Variants in SVIL observed in about 807,000 individuals in gnomAD.
SVIL encodes supervillin, also known as archvillin.
SVIL carries 101 observed loss-of-function variants against 240.4 expected under a neutral mutation model. The ratio of observed to expected loss-of-function variants is 0.42; its 90% CI spans 0.36 to 0.50. The LOEUF (loss-of-function observed/expected upper bound fraction) is 0.50. Among genes scored for constraint, SVIL ranks in the 20% least tolerant of loss-of-function variants. The pLI, the probability that SVIL is intolerant of heterozygous loss-of-function variation, is 0.01. For synonymous variants in SVIL, 999 were observed against 1,100.0 expected (o/e 0.91, Z 1.82); for missense variants, 2,512 against 2,818.7 (o/e 0.89, Z 2.46).
Position 29,524,716 on chromosome 10 carries a change from C to T in SVIL, c.2343-1G>A, listed in dbSNP as rs767389163. ...CTTTTGGTGAGCAGAGGCCTGCAATCTGAAAAAAATAAAATGTCAGCAACA... is the reference window on the plus strand; with the variant it reads ...CTTTTGGTGAGCAGAGGCCTGCAATTTGAAAAAAATAAAATGTCAGCAACA... On this transcript the variant is annotated splice_acceptor_variant, in intron 13 of 37. Coordinates refer to ENST00000355867, the MANE Select transcript of SVIL (RefSeq NM_021738.3). LOFTEE classifies it high-confidence loss of function. The T allele has an allele frequency of 1.9e-6, 3 of 1,612,224 alleles. No homozygotes were observed. The highest frequency in any genetic ancestry group is 2.5e-6 in the Non-Finnish European group (3 of 1,179,164).
chr10:29,587,580 C>T (rs1956221785), intron 1 of SVIL, among the ~76,000 whole-genome samples: 1 of 152,192 alleles, frequency 6.6e-6, no homozygotes, highest in South Asian at 2.1e-4. Flanking sequence ...GCCACAGGGT[C>T]CAGCTTACAG....
At chr10:29,629,861 T>C (rs1242815127) in intron 1 of SVIL, among the ~76,000 whole-genome samples, 1 of 148,050 alleles carries the variant, frequency 6.8e-6, no homozygotes, top group Non-Finnish European at 1.5e-5. Flanking sequence ...TTGCCTATAG[T>C]CCCAGCTACT....
chr10:29,473,949 G>T lies in SVIL; in HGVS notation c.5418C>A (p.Ala1806=). The change falls in exon 30 of 38, where the codon GCC becomes GCA. Residue 1806 remains alanine, a synonymous_variant. Coordinates refer to ENST00000355867, the MANE Select transcript of SVIL (RefSeq NM_021738.3). ...RQKGEHSVRA[A]GKEKCVYFFW... ...AGAAGTAGACGCACTTCTCTTTGCC[G>T]GCTGCCCTCACCGAGTGCTCTCCCT... 6.2e-7 allele frequency: 1 copy of T among 1,613,974 alleles called. No individual in the cohort carries two copies. Among genetic ancestry groups the T allele is most frequent in the South Asian group, 1.1e-5 (1 of 91,068 alleles).
At chr10:29,530,020 A>C (rs1166342138) in intron 11 of SVIL, among the ~76,000 whole-genome samples, 176 bp from the exon 12 acceptor site, 1 of 152,152 alleles carries the variant, frequency 6.6e-6, no homozygotes, top group Non-Finnish European at 1.5e-5. Context: ...CAAAAAATGC[A>C]TAAATTAGCC....
chr10:29,625,950 A>G (rs1178183287), intron 1 of SVIL, among the ~76,000 whole-genome samples: 1 of 152,112 alleles, frequency 6.6e-6, no homozygotes, highest in Admixed American at 6.5e-5. Context: ...ACAAATGCAA[A>G]TTGTATATAC....
chr10:29,564,001 C>G (rs1243065137), intron 2 of SVIL, among the ~76,000 whole-genome samples: 13 of 152,220 alleles, frequency 8.5e-5, no homozygotes, highest in Middle Eastern at 3.4e-3. Context: ...CTAAGAGGTA[C>G]GAACTACTCA....
At chr10:29,607,109 G>A (rs1183407530) in intron 1 of SVIL, among the ~76,000 whole-genome samples, 1 of 152,140 alleles carries the variant, frequency 6.6e-6, no homozygotes. Context: ...CTGGTGTGGG[G>A]CATGATTTAT....
intron 32 of SVIL, 100 bp from the exon 33 acceptor site, chr10:29,467,975 T>C (rs1945117120): frequency 2.3e-6 from 3 of 1,291,760 alleles, no homozygotes; most frequent in African/African-American, 1.5e-5. Context: ...AATAGCTTTA[T>C]TGAGATATAA....
At chr10:29,586,512 G>A (rs1180897359) in intron 1 of SVIL, among the ~76,000 whole-genome samples, 2 of 152,046 alleles carry the variant, frequency 1.3e-5, no homozygotes, top group East Asian at 1.9e-4. Context: ...GTGGAACGCA[G>A]GTCCCTTGGC....
chr10:29,457,600 T>C lies in SVIL; in HGVS notation c.*647A>G, dbSNP rs905846063. ...ATTAAGGTAGAAAGGTTGATTCGCA[T>C]AGATTCTCCAGAGTCCATGCCATTA... On this transcript the variant is annotated 3_prime_UTR_variant, in exon 38 of 38. Transcript: ENST00000355867. 3 of 152,656 alleles carry C rather than the reference T, an allele frequency of 2.0e-5. No individual in the cohort carries two copies. The highest frequency in any genetic ancestry group is 2.0e-4 in the Admixed American group (3 of 15,284). 9.5% of individuals were successfully genotyped at this position (152,656 alleles called of 1,614,324 possible).
intron 1 of SVIL, among the ~76,000 whole-genome samples, chr10:29,585,829 C>T (rs983056241): frequency 2.6e-5 from 4 of 152,226 alleles, no homozygotes; most frequent in South Asian, 2.1e-4. Flanking sequence ...GTCTGTCTTC[C>T]CGGCAGGTGT....
intron 1 of SVIL, among the ~76,000 whole-genome samples, chr10:29,709,051 C>A (rs779567283): frequency 6.6e-6 from 1 of 152,118 alleles, no homozygotes; most frequent in African/African-American, 2.4e-5. Flanking sequence ...AGAGAAGGAA[C>A]CGAAGAAGCC....
intron 1 of SVIL, among the ~76,000 whole-genome samples, chr10:29,689,912 G>A (rs1961373434): frequency 6.6e-6 from 1 of 152,158 alleles, no homozygotes; most frequent in African/African-American, 2.4e-5. Flanking sequence ...TGGCATTAGA[G>A]AATTTCCCCA....
chr10:29,588,687 C>T (rs1404500624), intron 1 of SVIL, among the ~76,000 whole-genome samples: 3 of 152,194 alleles, frequency 2.0e-5, no homozygotes. Flanking sequence ...GAAAGTGAAG[C>T]TTAGGAACCG....
chr10:29,555,928 A>T (rs1429734449), intron 3 of SVIL, among the ~76,000 whole-genome samples: 10 of 152,210 alleles, frequency 6.6e-5, no homozygotes, highest in Non-Finnish European at 1.5e-4. Flanking sequence ...TCAATTAGCT[A>T]CAGTTTAGAT....
intron 1 of SVIL, among the ~76,000 whole-genome samples, chr10:29,726,602 C>A (rs186020460): frequency 1.3e-5 from 2 of 152,160 alleles, no homozygotes; most frequent in Non-Finnish European, 2.9e-5. Context: ...CAAAAATTAG[C>A]CAGCTGTGGT....
At chr10:29,482,216 T>C (rs1430534894) in intron 27 of SVIL, among the ~76,000 whole-genome samples, 2 of 152,038 alleles carry the variant, frequency 1.3e-5, no homozygotes, top group Non-Finnish European at 2.9e-5. Context: ...TTTTTAAATA[T>C]GAGACAGGGG....
chr10:29,644,383 T>A (rs911422529), intron 3 of SVIL, among the ~76,000 whole-genome samples: 1 of 152,166 alleles, frequency 6.6e-6, no homozygotes, highest in South Asian at 2.1e-4. Context: ...GAGCCTTCTC[T>A]GAGCATGTTC....
At position 29,551,097 on chromosome 10, in the gene SVIL, T is replaced by C. The variant is rs1417343375; in HGVS notation, c.327A>G (p.Lys109=). 5.0e-6 allele frequency: 8 copies of C among 1,614,204 alleles called. No homozygotes were observed. Among genetic ancestry groups the C allele is most frequent in the Middle Eastern group, 1.6e-4 (1 of 6,062 alleles). ...CTGCCAGCTGTCGCCTTCTTTCTGC[T>C]TTGTACCTTGCAATTCTTTCGGCTT... The part of the protein sequence containing the change: ...ESKAERIARY[K]AERRRQLAEK... The change falls in exon 6 of 38, where the codon AAA becomes AAG. Residue 109 remains lysine, a synonymous_variant. Transcript: ENST00000355867.
Sources: gnomAD v4.1 joint callset for allele counts (sites outside exome capture counted in the v4.1 genomes callset) on GRCh38, gnomAD v4.1.1 for gene constraint, MANE v1.5 for transcripts, NCBI Gene and HGNC (gene_info 2026-07-23, HGNC 2026-07-21) for gene names.